SIAH3: variants seen among roughly 807,000 people sequenced by gnomAD.
SIAH3 encodes siah E3 ubiquitin protein ligase family member 3, also known as seven in absentia homolog 3.
Under a neutral mutation model 12.6 loss-of-function variants are expected in SIAH3, and 9 were observed. The observed-to-expected ratio is 0.72, with a 90% CI of 0.43 to 1.25. The LOEUF (loss-of-function observed/expected upper bound fraction) is 1.25. Ranked by LOEUF, SIAH3 falls within the 50% of genes most tolerant of loss-of-function variation. The pLI is 0.00. For missense variants in SIAH3, 390 were observed against 365.4 expected, an observed-to-expected ratio of 1.07 and a Z score of -0.55; for synonymous variants, 154 against 151.1, an observed-to-expected ratio of 1.02 and a Z score of -0.14.
chr13:45,851,554 G>A lies in SIAH3; in HGVS notation c.76C>T (p.Arg26Trp), dbSNP rs756074812. 9.9e-6 allele frequency: 16 copies of A among 1,614,026 alleles called. No individual in the cohort carries two copies. Among genetic ancestry groups the A allele is most frequent in the Admixed American group, 1.7e-5 (1 of 59,998 alleles). ...AGTTGCCCGGCAGCGGAGAAAACCC[G>A]TTTAGCCTTGTAGTGCTGAAACCGG... ...HLRFQHYKAK[R>W]VFSAAGQLVC... The change falls in exon 1 of 2, where the codon CGG becomes TGG. Residue 26 changes from arginine (R) to tryptophan (W), a missense_variant. Transcript: ENST00000400405.
chr13:45,828,195 C>G (rs1485747965), intron 1 of SIAH3, among the ~76,000 whole-genome samples: 1 of 152,312 alleles, frequency 6.6e-6, no homozygotes, highest in East Asian at 1.9e-4. Flanking sequence ...TTTGTCTGAC[C>G]TATGGGAGTG....
intron 1 of SIAH3, among the ~76,000 whole-genome samples, chr13:45,824,815 A>T (rs1950667995): frequency 6.6e-6 from 1 of 151,192 alleles, no homozygotes; most frequent in South Asian, 2.1e-4. Context: ...TTTATTAAAA[A>T]ACAAAAACCA....
chr13:45,816,034 G>C (rs1014760400), intron 1 of SIAH3, among the ~76,000 whole-genome samples: 38 of 152,206 alleles, frequency 2.5e-4, no homozygotes, highest in African/African-American at 8.7e-4. Flanking sequence ...CATTCTAGAG[G>C]TGAGGAAACC....
At position 45,810,673 on chromosome 13, in the gene SIAH3, G is replaced by A. The variant is rs551230735; in HGVS notation, c.136-26616C>T. On this transcript the variant is annotated intron_variant, in intron 1 of 1. Transcript: ENST00000400405. ...TGTGCTGCAGTATGATGGGAGTCTA[G>A]AATTCATACTCCCAAGAATGTTTAA... Among the ~76,000 whole-genome samples the A allele has an allele frequency of 5.3e-5, 8 of 152,298 alleles. No homozygotes were observed. In the South Asian group the frequency reaches 1.7e-3, roughly 32 times the overall value.
At position 45,806,149 on chromosome 13, in the gene SIAH3, G is replaced by A. The variant is rs373773779; in HGVS notation, c.136-22092C>T. 6.6e-5 allele frequency among the ~76,000 whole-genome samples: 10 copies of A among 152,252 alleles called. No homozygotes were observed. The South Asian group carries it at 1.2e-3, about 19-fold the overall frequency. ...TAAATTAGTTCAGCCACTGTGGAAA[G>A]CAGTTTGGAGATTTCTCAAATAATT... is the stretch of plus-strand genomic sequence containing the variant. On this transcript the variant is annotated intron_variant, in intron 1 of 1. Coordinates refer to ENST00000400405, the MANE Select transcript of SIAH3 (RefSeq NM_198849.3).
intron 1 of SIAH3, among the ~76,000 whole-genome samples, chr13:45,820,531 G>C (rs56186723): frequency 6.6e-6 from 1 of 152,100 alleles, no homozygotes; most frequent in African/African-American, 2.4e-5. Context: ...TTAAGAGTTT[G>C]TTCATTTGAT....
At chr13:45,792,577 C>T (rs957030267) in intron 1 of SIAH3, among the ~76,000 whole-genome samples, 2 of 152,044 alleles carry the variant, frequency 1.3e-5, no homozygotes, top group Admixed American at 6.5e-5. Context: ...GGGCTGGTCT[C>T]GAACTACTGG....
chr13:45,844,661 A>G (rs546418028), intron 1 of SIAH3, among the ~76,000 whole-genome samples: 41 of 152,168 alleles, frequency 2.7e-4, no homozygotes, highest in Non-Finnish European at 5.1e-4. Context: ...TACATATCTT[A>G]TTGGTTCTAG....
chr13:45,806,747 G>A (rs770987200), intron 1 of SIAH3, among the ~76,000 whole-genome samples: 1 of 151,778 alleles, frequency 6.6e-6, no homozygotes, highest in Non-Finnish European at 1.5e-5. Context: ...AAAATTTAAA[G>A]GTATGTGAAT....
At chr13:45,832,656 C>A (rs56028648) in intron 1 of SIAH3, among the ~76,000 whole-genome samples, 31,742 of 152,086 alleles carry the variant, frequency 0.21, 3,837 homozygotes, top group East Asian at 0.38. Context: ...ATCCGTTTGA[C>A]TTTTTATTTT....
At chr13:45,794,021 G>C (rs1950554651) in intron 1 of SIAH3, among the ~76,000 whole-genome samples, 1 of 152,174 alleles carries the variant, frequency 6.6e-6, no homozygotes, top group African/African-American at 2.4e-5. Context: ...AGGAACACCT[G>C]GACCCACTGG....
intron 1 of SIAH3, among the ~76,000 whole-genome samples, chr13:45,792,819 A>T (rs1261509396): frequency 6.6e-6 from 1 of 152,212 alleles, no homozygotes; most frequent in African/African-American, 2.4e-5. Context: ...GTCAAACCAC[A>T]TACAGGAATG....
intron 1 of SIAH3, among the ~76,000 whole-genome samples, chr13:45,840,387 G>A (rs1300784553): frequency 6.6e-6 from 1 of 152,204 alleles, no homozygotes; most frequent in Admixed American, 6.5e-5. Flanking sequence ...GAATTATCCT[G>A]AGGATTTTTT....
intron 1 of SIAH3, among the ~76,000 whole-genome samples, chr13:45,796,457 T>C (rs2137555007): frequency 6.6e-6 from 1 of 152,144 alleles, no homozygotes; most frequent in South Asian, 2.1e-4. Context: ...CTAGGGGGAT[T>C]GGAGGATGGG....
intron 1 of SIAH3, among the ~76,000 whole-genome samples, chr13:45,788,413 C>A (rs1950534919): frequency 6.6e-6 from 1 of 152,208 alleles, no homozygotes; most frequent in African/African-American, 2.4e-5. Context: ...ACCCCTCAGT[C>A]AGTCAGTGGA....
At chr13:45,809,744 C>G (rs1478737704) in intron 1 of SIAH3, among the ~76,000 whole-genome samples, 1 of 152,016 alleles carries the variant, frequency 6.6e-6, no homozygotes, top group East Asian at 1.9e-4. Context: ...GCAAAAGAAC[C>G]AGATAATTGT....
At chr13:45,829,889 A>G (rs1258318500) in intron 1 of SIAH3, among the ~76,000 whole-genome samples, 1 of 152,136 alleles carries the variant, frequency 6.6e-6, no homozygotes, top group Non-Finnish European at 1.5e-5. Flanking sequence ...ACCACACCCC[A>G]GGAGCCTTCT....
At chr13:45,847,034 CA>C (rs1305913528) in intron 1 of SIAH3, among the ~76,000 whole-genome samples, 2 of 152,340 alleles carry the variant, frequency 1.3e-5, no homozygotes, top group East Asian at 3.9e-4. Flanking sequence ...TGACCACCAC[CA>C]GCTTGGGGTC....
At chr13:45,847,097 C>T (rs979140486) in intron 1 of SIAH3, among the ~76,000 whole-genome samples, 4 of 152,196 alleles carry the variant, frequency 2.6e-5, no homozygotes, top group African/African-American at 9.7e-5. Context: ...CCAGACTGGA[C>T]AGAGAAACAA....
Sources: gnomAD v4.1 joint callset for allele counts (sites outside exome capture counted in the v4.1 genomes callset) on GRCh38, gnomAD v4.1.1 for gene constraint, MANE v1.5 for transcripts, NCBI Gene and HGNC (gene_info 2026-07-23, HGNC 2026-07-21) for gene names.